Variants in PCCB observed in about 807,000 individuals in gnomAD.
PCCB encodes the protein propionyl-CoA carboxylase subunit beta.
Under a neutral mutation model 60.7 loss-of-function variants are expected in PCCB, and 43 were observed. The ratio of observed to expected loss-of-function variants is 0.71; its 90% CI spans 0.55 to 0.91. The LOEUF is 0.91. Among genes scored for constraint, PCCB ranks in the 40% least tolerant of loss-of-function variants. The pLI is 0.00. For synonymous variants in PCCB, 276 were observed against 255.9 expected (o/e 1.08, Z -0.75); for missense variants, 766 against 702.8 (o/e 1.09, Z -1.02).
intron 1 of PCCB, among the ~76,000 whole-genome samples, chr3:136,254,709 T>G (rs992707710): frequency 4.0e-5 from 6 of 150,342 alleles, no homozygotes; most frequent in African/African-American, 1.5e-4. Context: ...ATTTTTGTAT[T>G]TTTCAGTAGA....
At position 136,265,293 on chromosome 3, in the gene PCCB, T is replaced by C. The variant is rs146577064; in HGVS notation, c.543+3228T>C. ...AATTTTAAATTAATTTTTAGAGTTG[T>C]ACAGCCATAATCTAGTTTTCAAACC... is the stretch of plus-strand genomic sequence containing the variant. On this transcript the variant is annotated intron_variant, in intron 5 of 14. Coordinates refer to ENST00000251654, the MANE Select transcript of PCCB (RefSeq NM_000532.5). Among the ~76,000 whole-genome samples the C allele has an allele frequency of 2.7e-3, 415 of 152,360 alleles. 4 individuals carry two copies. In the East Asian group the frequency reaches 0.063, roughly 23 times the overall value.
intron 9 of PCCB, among the ~76,000 whole-genome samples, chr3:136,302,134 A>G (rs192676509): frequency 1.3e-5 from 2 of 152,242 alleles, no homozygotes; most frequent in African/African-American, 2.4e-5. Context: ...CAGATTCTCA[A>G]TATTTGGAGG....
rs1197408346 is a variant in PCCB, at chr3:136,301,100, A to C, written c.955A>C (p.Ile319Leu). Reference sequence around the variant, plus strand: ...AACCAAAGCCTACAACATGGTGGACATCATACACTCTGTAAGTGCCACATC... The same window carrying C: ...AACCAAAGCCTACAACATGGTGGACCTCATACACTCTGTAAGTGCCACATC... ...ESTKAYNMVD[I>L]IHSVVDEREF... Residue 319 changes from isoleucine to leucine, a missense_variant, in exon 9 of 15, where the codon ATC (isoleucine) becomes CTC (leucine). Ile to Leu is a conservative substitution (Grantham distance 5, BLOSUM62 2). Transcript: ENST00000251654. 3.1e-6 allele frequency: 5 copies of C among 1,612,334 alleles called. No homozygotes were observed. The highest frequency in any genetic ancestry group is 4.2e-6 in the Non-Finnish European group (5 of 1,178,400).
At chr3:136,315,451 C>T (rs1314481311) in intron 9 of PCCB, among the ~76,000 whole-genome samples, 18 of 152,140 alleles carry the variant, frequency 1.2e-4, no homozygotes, top group Admixed American at 8.5e-4. Flanking sequence ...TGCTTGAACC[C>T]AGGGGGCGGA....
intron 1 of PCCB, among the ~76,000 whole-genome samples, chr3:136,251,445 G>A (rs924014137): frequency 2.6e-5 from 4 of 152,206 alleles, no homozygotes; most frequent in African/African-American, 9.7e-5. Context: ...AACCATGAGG[G>A]AGGCACTGGG....
intron 10 of PCCB, among the ~76,000 whole-genome samples, chr3:136,325,909 G>A (rs1397491937): frequency 1.3e-5 from 2 of 152,032 alleles, no homozygotes; most frequent in Non-Finnish European, 2.9e-5. Flanking sequence ...CGCCTCCCGG[G>A]TTCACACCAT....
chr3:136,251,257 C>T (rs1300002838), intron 1 of PCCB: 4 of 456,558 alleles, frequency 8.8e-6, no homozygotes, highest in Admixed American at 4.7e-5. Flanking sequence ...ATCCAGCTGG[C>T]CTTCAGAGAT....
intron 6 of PCCB, 96 bp from the exon 7 acceptor site, chr3:136,293,660 T>A (rs1170060751): frequency 1.2e-6 from 1 of 822,944 alleles, no homozygotes; most frequent in Non-Finnish European, 2.1e-6. Context: ...CACGTCACTA[T>A]CTTCTCTGCA....
intron 14 of PCCB, 51 bp downstream of exon 14, chr3:136,328,908 C>T: frequency 2.2e-6 from 3 of 1,371,660 alleles, no homozygotes; most frequent in Non-Finnish European, 2.1e-6. Flanking sequence ...TCAACTTGCT[C>T]ATTCTTTCTC....
At chr3:136,299,343 T>C (rs1266197335) in intron 8 of PCCB, among the ~76,000 whole-genome samples, 1 of 152,106 alleles carries the variant, frequency 6.6e-6, no homozygotes, top group East Asian at 1.9e-4. Flanking sequence ...CATACACACA[T>C]ACACATGCAT....
In PCCB at chr3:136,328,759, G is replaced by C. The variant is rs2108240251; in HGVS notation, c.1400G>C (p.Gly467Ala). 2 of 1,613,340 alleles carry C rather than the reference G, an allele frequency of 1.2e-6. No homozygotes were observed. Among genetic ancestry groups the C allele is most frequent in the Non-Finnish European group, 1.7e-6 (2 of 1,179,246 alleles). ...GTTCATGAACTCCTCTAATCACAGG[G>C]CGCTGTGGAGATCATCTTCAAAGGG... is the stretch of plus-strand genomic sequence containing the variant. Reference protein sequence around the residue: ...TAEIAVMGAKGAVEIIFKGHE... With the variant: ...TAEIAVMGAKAAVEIIFKGHE... Residue 467 changes from glycine (G) to alanine (A), a missense_variant and splice_region_variant, in exon 14 of 15, where the codon GGC becomes GCC. By Grantham distance (60) the Gly-to-Ala change is moderately conservative. Transcript: ENST00000251654.
chr3:136,253,231 G>C (rs1941571747), intron 1 of PCCB, among the ~76,000 whole-genome samples: 1 of 151,350 alleles, frequency 6.6e-6, no homozygotes, highest in African/African-American at 2.4e-5. Flanking sequence ...CTGGGACTAC[G>C]GGTGCCCACC....
At chr3:136,287,720 G>T (rs983138185) in intron 6 of PCCB, among the ~76,000 whole-genome samples, 1 of 152,168 alleles carries the variant, frequency 6.6e-6, no homozygotes, top group African/African-American at 2.4e-5. Flanking sequence ...ATAGGCATGA[G>T]CCACTGCGCC....
At chr3:136,312,070 G>C (rs755780401) in intron 9 of PCCB, among the ~76,000 whole-genome samples, 1 of 152,306 alleles carries the variant, frequency 6.6e-6, no homozygotes, top group Non-Finnish European at 1.5e-5. Flanking sequence ...TAAAACTGTG[G>C]TACAGGCACA....
In PCCB at chr3:136,282,520, G is replaced by A. The variant is rs113530438; in HGVS notation, c.544-1317G>A. 9.2e-3 allele frequency among the ~76,000 whole-genome samples: 1,393 copies of A among 152,142 alleles called. 21 individuals carry two copies. The highest frequency in any genetic ancestry group is 0.03 in the African/African-American group (1,253 of 41,498). On this transcript the variant is annotated intron_variant, in intron 5 of 14. Transcript: ENST00000251654. ...ACTATATATCTCTTAATTTATCACA[G>A]TCTGCTTCAAATTAATACTGACTTA...
At chr3:136,299,589 T>C (rs1314261626) in intron 8 of PCCB, among the ~76,000 whole-genome samples, 1 of 107,058 alleles carries the variant, frequency 9.3e-6, no homozygotes, top group African/African-American at 4.6e-5. Flanking sequence ...TGTATAGGTA[T>C]GCATGTGTAT....
intron 6 of PCCB, among the ~76,000 whole-genome samples, chr3:136,290,254 T>G (rs1933611994): frequency 6.6e-6 from 1 of 152,236 alleles, no homozygotes; most frequent in Admixed American, 6.5e-5. Flanking sequence ...TGAGAAGGTC[T>G]GTATTTTTCC....
intron 10 of PCCB, among the ~76,000 whole-genome samples, chr3:136,324,018 T>C (rs1935207309): frequency 6.6e-6 from 1 of 151,752 alleles, no homozygotes. Context: ...ATATTTAATG[T>C]CATATATGTT....
intron 6 of PCCB, among the ~76,000 whole-genome samples, chr3:136,288,427 C>T (rs374030752): frequency 6.6e-6 from 1 of 151,940 alleles, no homozygotes; most frequent in East Asian, 1.9e-4. Context: ...CTCACTGCAA[C>T]CTTCGGCTCC....
Sources: allele counts gnomAD v4.1 joint callset (sites outside exome capture counted in the v4.1 genomes callset), GRCh38; gene constraint gnomAD v4.1.1; transcripts MANE v1.5; gene names NCBI Gene and HGNC (gene_info 2026-07-23, HGNC 2026-07-21).